Variants in NELFB observed in about 807,000 individuals in gnomAD.
NELFB encodes the protein negative elongation factor B.
A neutral mutation model predicts 60.2 loss-of-function variants in NELFB; 34 were observed. The observed-to-expected ratio is 0.56, with a 90% CI of 0.43 to 0.75. The LOEUF (loss-of-function observed/expected upper bound fraction) is 0.75. NELFB is among the 30% of genes least tolerant of loss of function. NELFB has a pLI of 0.00. For synonymous variants in NELFB, 459 were observed against 382.1 expected, an observed-to-expected ratio of 1.20 and a Z score of -2.35; for missense variants, 770 against 831.6, an observed-to-expected ratio of 0.93 and a Z score of 0.91.
chr9:137,256,434 G>GCCCTAA lies in NELFB; in HGVS notation c.510+17_510+22dup. ...TCATGAAGCACCTGCCCAAGGTAGG[G>GCCCTAA]CCCTAACCCTAACCCTGATGGCGTG... On this transcript the variant is annotated splice_region_variant and intron_variant, in intron 3 of 12. Transcript: ENST00000343053. The GCCCTAA allele has an allele frequency of 2.5e-6, 4 of 1,612,594 alleles. No homozygotes were observed. The highest frequency in any genetic ancestry group is 8.5e-7 in the Non-Finnish European group (1 of 1,179,388).
intron 3 of NELFB, 32 bp from the exon 4 acceptor site, chr9:137,256,792 G>A (rs1022061585): frequency 1.2e-6 from 2 of 1,600,488 alleles, no homozygotes; most frequent in Middle Eastern, 1.7e-4. Context: ...GGACACAGGT[G>A]CCACTCACAG....
intron 3 of NELFB, 126 bp from the exon 4 acceptor site, chr9:137,256,698 C>T: frequency 1.2e-6 from 1 of 866,330 alleles, no homozygotes; most frequent in Non-Finnish European, 1.8e-6. Flanking sequence ...GGGAACCAGT[C>T]ATAGGTGCCC....
At chr9:137,260,672 C>G (rs185853977) in intron 4 of NELFB, among the ~76,000 whole-genome samples, 1 of 151,902 alleles carries the variant, frequency 6.6e-6, no homozygotes, top group South Asian at 2.1e-4. Context: ...AGGCTGTTCT[C>G]GAACTCCTGG....
chr9:137,264,992 C>G (rs1462115065), intron 6 of NELFB, among the ~76,000 whole-genome samples: 1 of 151,194 alleles, frequency 6.6e-6, no homozygotes, highest in Admixed American at 6.6e-5. Context: ...TGTATAGACA[C>G]AGTGCTGCCT....
chr9:137,263,004 G>C, intron 4 of NELFB, 33 bp from the exon 5 acceptor site: 2 of 1,599,474 alleles, frequency 1.3e-6, no homozygotes, highest in Non-Finnish European at 8.6e-7. Context: ...AGCCCAGGAC[G>C]GTCTGGGGGC....
Position 137,265,054 on chromosome 9 carries a change from T to TTTTTTTTTTTTTTC in NELFB, c.1040+697_1040+698insTTTTTTTTTTTTTC, listed in dbSNP as rs1554791518. Among the ~76,000 whole-genome samples, 2 of 114,036 alleles carry TTTTTTTTTTTTTTC rather than the reference T, an allele frequency of 1.8e-5. 1 individual carries two copies. Among genetic ancestry groups the TTTTTTTTTTTTTTC allele is most frequent in the Non-Finnish European group, 3.9e-5 (2 of 50,850 alleles). The allele number at this position is 114,036 out of a possible 152,430, so 74.8% of individuals were successfully genotyped here. A position where few individuals can be genotyped will look rare whatever the true frequency, so the allele number is the denominator to read the frequency against. ...TCCTTTTTTTTTTTTTTTTTTTTTT[T>TTTTTTTTTTTTTTC]CTGAGACAGGGTCTCTGTCACCCAG... On this transcript the variant is annotated intron_variant, in intron 6 of 12. Transcript: ENST00000343053.
chr9:137,271,662 C>T (rs1316842726), intron 10 of NELFB, among the ~76,000 whole-genome samples: 1 of 152,242 alleles, frequency 6.6e-6, no homozygotes, highest in African/African-American at 2.4e-5. Flanking sequence ...CTGCAGCTGG[C>T]GCCGGCCCTG....
intron 4 of NELFB, among the ~76,000 whole-genome samples, chr9:137,260,161 T>C (rs1486134750): frequency 1.3e-5 from 2 of 151,408 alleles, no homozygotes; most frequent in African/African-American, 4.8e-5. Flanking sequence ...TCCGTTCTCC[T>C]GCCTCAGCCT....
chr9:137,266,231 T>C (rs1415964072), intron 7 of NELFB, 100 bp from the exon 8 acceptor site: 2 of 1,051,788 alleles, frequency 1.9e-6, no homozygotes, highest in Middle Eastern at 3.2e-4. Context: ...GTCCTGGCCA[T>C]GGGCACCAGA....
chr9:137,262,615 A>G (rs1019949839), intron 4 of NELFB, among the ~76,000 whole-genome samples: 6 of 152,224 alleles, frequency 3.9e-5, no homozygotes, highest in African/African-American at 1.4e-4. Flanking sequence ...ATTCTTGCAT[A>G]TTTTGTTATA....
chr9:137,270,082 C>T (rs929298573), intron 10 of NELFB, among the ~76,000 whole-genome samples: 10 of 152,102 alleles, frequency 6.6e-5, no homozygotes, highest in African/African-American at 1.9e-4. Context: ...GTGGGGTCTG[C>T]GTGTGGCCGC....
Position 137,256,918 on chromosome 9 carries a change from A to T in NELFB, c.605A>T (p.Gln202Leu). The change falls in exon 4 of 13, where the codon CAG (glutamine) becomes CTG (leucine). Residue 202 changes from glutamine to leucine, a missense_variant. Gln to Leu is a moderately radical substitution (Grantham distance 113, BLOSUM62 -2). Coordinates refer to ENST00000343053, the MANE Select transcript of NELFB (RefSeq NM_015456.5). Reference sequence around the variant, plus strand: ...AAGCGGCAGATCTGGCAAGACAACCAGGCCCTCTTCGGGGACGAGGTTTCC... The same window carrying T: ...AAGCGGCAGATCTGGCAAGACAACCTGGCCCTCTTCGGGGACGAGGTTTCC... The T allele has an allele frequency of 2.5e-6, 4 of 1,614,228 alleles. No homozygotes were observed. The highest frequency in any genetic ancestry group is 3.4e-6 in the Non-Finnish European group (4 of 1,180,054).
chr9:137,272,257 C>A, intron 11 of NELFB, 35 bp downstream of exon 11: 1 of 1,608,918 alleles, frequency 6.2e-7, no homozygotes, highest in South Asian at 1.1e-5. Flanking sequence ...CCCGCTCTGT[C>A]CTCTCAGCTC....
intron 7 of NELFB, 85 bp from the exon 8 acceptor site, chr9:137,266,246 C>T: frequency 4.9e-6 from 6 of 1,223,248 alleles, no homozygotes; most frequent in Non-Finnish European, 6.9e-6. Context: ...ACCAGAGATC[C>T]TGCTGAGTAA....
chr9:137,264,346 G>T lies in NELFB; in HGVS notation c.1029G>T (p.Glu343Asp). 4 of 1,589,894 alleles carry T rather than the reference G, an allele frequency of 2.5e-6. No individual in the cohort carries two copies. Among genetic ancestry groups the T allele is most frequent in the Non-Finnish European group, 3.4e-6 (4 of 1,169,876 alleles). ...TCGATGGCGTCAAGAAGGGCCAGGAGCAGGTGCTGGGGTGAGGGTCGGCTC... is the reference window on the plus strand; with the variant it reads ...TCGATGGCGTCAAGAAGGGCCAGGATCAGGTGCTGGGGTGAGGGTCGGCTC... Residue 343 changes from glutamate (E) to aspartate (D), a missense_variant, in exon 6 of 13, where the codon GAG (glutamate) becomes GAT (aspartate). Glu to Asp is a conservative substitution (Grantham distance 45). Transcript: ENST00000343053.
rs1830552354 is a variant in NELFB, at chr9:137,269,047, G to A, written c.1489+1701G>A. ...TCACGACCTCAGCAGTGTTGCGTTG[G>A]GGATCAGGTTTCCGATGGTGAACTT... On this transcript the variant is annotated intron_variant, in intron 10 of 12. Transcript: ENST00000343053. This position sits in a 1 kb window ranked among gnomAD's most constrained non-coding sequence, Gnocchi z 5.3. Among the ~76,000 whole-genome samples, 1 of 151,952 alleles carries A rather than the reference G, an allele frequency of 6.6e-6. No homozygotes were observed. The highest frequency in any genetic ancestry group is 2.1e-4 in the South Asian group (1 of 4,820).
intron 12 of NELFB, 73 bp downstream of exon 12, chr9:137,272,688 T>C: frequency 1.3e-6 from 2 of 1,528,486 alleles, no homozygotes. Context: ...CAAGCTGCCC[T>C]TGTGGTGCTT....
chr9:137,271,477 G>T (rs1454230731), intron 10 of NELFB, among the ~76,000 whole-genome samples: 1 of 152,270 alleles, frequency 6.6e-6, no homozygotes, highest in Non-Finnish European at 1.5e-5. Flanking sequence ...CGTTGTGCTG[G>T]CTCTTGGCAA....
intron 3 of NELFB, 52 bp from the exon 4 acceptor site, chr9:137,256,772 G>A: frequency 6.4e-7 from 1 of 1,573,092 alleles, no homozygotes; most frequent in South Asian, 1.1e-5. Flanking sequence ...TTGTCTTGAA[G>A]GAGACCCAGG....
Sources: gnomAD v4.1 joint callset for allele counts (sites outside exome capture counted in the v4.1 genomes callset) on GRCh38, gnomAD v4.1.1 for gene constraint, Gnocchi (gnomAD v3.1) non-coding constraint, MANE v1.5 for transcripts, NCBI Gene and HGNC (gene_info 2026-07-23, HGNC 2026-07-21) for gene names.